Variants in CELF2 observed in about 807,000 individuals in gnomAD.
CELF2 encodes CUG triplet repeat RNA-binding protein 2.
In CELF2, 8 loss-of-function variants were observed where a neutral mutation model predicts 62.6. That is an observed-to-expected ratio of 0.13 (90% CI 0.07 to 0.23). The LOEUF (loss-of-function observed/expected upper bound fraction) is 0.23, where lower values mean the gene tolerates loss of function less well. CELF2 is among the 10% of genes least tolerant of loss of function. CELF2 has a pLI of 1.00. For synonymous variants in CELF2, 258 were observed against 250.0 expected (o/e 1.03, Z -0.30); for missense variants, 333 against 671.0 (o/e 0.50, Z 5.56).
intron 8 of CELF2, among the ~76,000 whole-genome samples, chr10:11,283,217 T>C (rs2089627559): frequency 6.6e-6 from 1 of 152,196 alleles, no homozygotes. Context: ...TGTGCTTCTC[T>C]ACCATCCCCA....
the CELF2 span, among the ~76,000 whole-genome samples, chr10:10,745,951 G>A: frequency 6.6e-6 from 1 of 152,330 alleles, no homozygotes; most frequent in Non-Finnish European, 1.5e-5. Context: ...TGGTTTTGAT[G>A]GCATAGGGAT....
chr10:10,568,684 T>C, the CELF2 span, among the ~76,000 whole-genome samples: 1 of 152,180 alleles, frequency 6.6e-6, no homozygotes, highest in African/African-American at 2.4e-5. Flanking sequence ...TTTGTGGATG[T>C]AATGATAGAG....
rs542822379 is a variant in CELF2 at position 10,920,502 on chromosome 10, A to G, written c.89+503A>G. On this transcript the variant is annotated intron_variant, in intron 2 of 13. Transcript: ENST00000636488. ...CTCACTGTCATCAAAATAAATACTTAGTAATATTATATCATAGAAAGAAAT... is the reference window on the plus strand; with the variant it reads ...CTCACTGTCATCAAAATAAATACTTGGTAATATTATATCATAGAAAGAAAT... Among the ~76,000 whole-genome samples the G allele has an allele frequency of 2.0e-3, 308 of 152,348 alleles. 4 individuals are homozygous for G. The highest frequency in any genetic ancestry group is 7.2e-3 in the African/African-American group (301 of 41,580).
At chr10:11,257,629 C>G in intron 4 of CELF2, 109 bp from the exon 5 acceptor site, 1 of 1,281,094 alleles carries the variant, frequency 7.8e-7, no homozygotes, top group Non-Finnish European at 1.1e-6. Context: ...CCTTGGGACA[C>G]GTGCTTGGTC....
chr10:10,964,713 T>C (rs2049928029), intron 2 of CELF2, among the ~76,000 whole-genome samples: 2 of 152,218 alleles, frequency 1.3e-5, no homozygotes, highest in African/African-American at 2.4e-5. Context: ...AATGTGAACC[T>C]TCTCATAGTG....
At chr10:10,980,487 G>T (rs1044852281) in intron 2 of CELF2, among the ~76,000 whole-genome samples, 3 of 152,160 alleles carry the variant, frequency 2.0e-5, no homozygotes, top group African/African-American at 7.2e-5. Context: ...TCCACATGCT[G>T]CTCAGCTCAC....
the CELF2 span, among the ~76,000 whole-genome samples, chr10:10,777,860 A>G: frequency 6.6e-6 from 1 of 150,860 alleles, no homozygotes; most frequent in African/African-American, 2.4e-5. Flanking sequence ...ACCCTAATAA[A>G]CTCTCAGCAG....
intron 3 of CELF2, among the ~76,000 whole-genome samples, chr10:11,241,277 G>A (rs1039515870): frequency 6.6e-6 from 1 of 152,202 alleles, no homozygotes; most frequent in Non-Finnish European, 1.5e-5. Flanking sequence ...TGGGCTTACT[G>A]CAACCTCTTC....
chr10:10,628,741 C>T, the CELF2 span, among the ~76,000 whole-genome samples: 1 of 151,976 alleles, frequency 6.6e-6, no homozygotes, highest in African/African-American at 2.4e-5. Flanking sequence ...AATAGTGCCG[C>T]AATAAATGCA....
the CELF2 span, among the ~76,000 whole-genome samples, chr10:10,513,719 A>G: frequency 6.6e-6 from 1 of 152,294 alleles, no homozygotes; most frequent in South Asian, 2.1e-4. Flanking sequence ...TTTTTAAAAG[A>G]CTTTTAACTT....
chr10:11,249,562 G>A (rs1167379662), intron 4 of CELF2, among the ~76,000 whole-genome samples: 4 of 152,112 alleles, frequency 2.6e-5, no homozygotes, highest in Non-Finnish European at 5.9e-5. Flanking sequence ...TGCAGGAAAG[G>A]AATTGCCCAT....
chr10:11,140,795 T>C (rs1270620814), intron 1 of CELF2, among the ~76,000 whole-genome samples: 1 of 152,108 alleles, frequency 6.6e-6, no homozygotes, highest in Non-Finnish European at 1.5e-5. Context: ...GTGGGAAGGA[T>C]TGCTTGAGCC....
chr10:11,135,971 TGAGAATA>T (rs2060372024), intron 1 of CELF2, among the ~76,000 whole-genome samples: 1 of 152,188 alleles, frequency 6.6e-6, no homozygotes, highest in Non-Finnish European at 1.5e-5. Context: ...CATGGCCCTT[TGAGAATA>T]GTTACGTCCA....
At chr10:10,780,001 G>A in the CELF2 span, among the ~76,000 whole-genome samples, 25 of 152,212 alleles carry the variant, frequency 1.6e-4, no homozygotes, top group East Asian at 1.3e-3. Flanking sequence ...GATGTTTTGC[G>A]GGTAACATGG....
chr10:10,498,710 C>A, the CELF2 span, among the ~76,000 whole-genome samples: 1 of 152,102 alleles, frequency 6.6e-6, no homozygotes, highest in African/African-American at 2.4e-5. Context: ...ATGTAACAAG[C>A]CAAGCAAGTG....
intron 1 of CELF2, among the ~76,000 whole-genome samples, chr10:10,883,104 A>C (rs1767242000): frequency 6.6e-6 from 1 of 152,204 alleles, no homozygotes; most frequent in African/African-American, 2.4e-5. Context: ...AGGCCATTAC[A>C]CAATACTCAA....
At chr10:10,777,048 C>T in the CELF2 span, among the ~76,000 whole-genome samples, 11,528 of 152,232 alleles carry the variant, frequency 0.076, 622 homozygotes, top group East Asian at 0.19. Flanking sequence ...TTCCCATGCG[C>T]TACCCGCCTC....
intron 2 of CELF2, among the ~76,000 whole-genome samples, chr10:10,988,591 CAA>C (rs2053085160): frequency 6.6e-6 from 1 of 151,786 alleles, no homozygotes; most frequent in South Asian, 2.1e-4. Flanking sequence ...TGAGTGCACT[CAA>C]ATCTCAGAAA....
the CELF2 span, among the ~76,000 whole-genome samples, chr10:10,679,882 T>A: frequency 2.6e-5 from 4 of 152,250 alleles, no homozygotes; most frequent in Non-Finnish European, 5.9e-5. Flanking sequence ...TATAGGTGAA[T>A]GCTTCAGTTG....
Sources: gnomAD v4.1 joint callset for allele counts (sites outside exome capture counted in the v4.1 genomes callset) on GRCh38, gnomAD v4.1.1 for gene constraint, MANE v1.5 for transcripts, NCBI Gene and HGNC (gene_info 2026-07-23, HGNC 2026-07-21) for gene names.